The following SLC36A1 variants were observed in gnomAD, a reference collection of about 807,000 sequenced individuals.
The protein encoded by SLC36A1 is proton-coupled amino acid transporter 1.
Under a neutral mutation model 47.5 loss-of-function variants are expected in SLC36A1, and 30 were observed. The ratio of observed to expected loss-of-function variants is 0.63; its 90% CI spans 0.47 to 0.86. SLC36A1 has a LOEUF of 0.86. SLC36A1 is among the 40% of genes least tolerant of loss of function. The pLI is 0.00. For missense variants in SLC36A1, 517 were observed against 606.0 expected (o/e 0.85, Z 1.54); for synonymous variants, 255 against 249.7 (o/e 1.02, Z -0.20).
At chr5:151,367,374 T>TTTTTTTTTTTTTTTTTTTTTTTTC in the SLC36A1 span, among the ~76,000 whole-genome samples, 1 of 145,466 alleles carries the variant, frequency 6.9e-6, no homozygotes. Flanking sequence ...TTTTTTTTTT[T>TTTTTTTTTTTTTTTTTTTTTTTTC]CCCCAGGGTA....
the SLC36A1 span, among the ~76,000 whole-genome samples, chr5:151,375,130 G>A: frequency 1.1e-4 from 17 of 152,002 alleles, no homozygotes; most frequent in East Asian, 3.9e-4. Context: ...TGAATTCTTC[G>A]CCTAGTCTAA....
At chr5:151,544,142 C>A in the SLC36A1 span, 2 of 1,614,214 alleles carry the variant, frequency 1.2e-6, no homozygotes, top group Non-Finnish European at 1.7e-6. Flanking sequence ...GACATCTCCC[C>A]TGTGCTCCCA....
chr5:151,431,803 T>G, the SLC36A1 span, among the ~76,000 whole-genome samples: 1 of 152,202 alleles, frequency 6.6e-6, no homozygotes, highest in Non-Finnish European at 1.5e-5. Flanking sequence ...GTCTCGAGTG[T>G]GTCTTTATGA....
the SLC36A1 span, among the ~76,000 whole-genome samples, chr5:151,535,162 G>A: frequency 6.6e-6 from 1 of 151,854 alleles, no homozygotes; most frequent in East Asian, 1.9e-4. Flanking sequence ...AACACCATGT[G>A]TGGTGTTATA....
chr5:151,487,917 A>G (rs1759777630), intron 10 of SLC36A1, 66 bp from the exon 11 acceptor site: 2 of 1,574,248 alleles, frequency 1.3e-6, no homozygotes, highest in African/African-American at 1.3e-5. Context: ...AATTCGCTCA[A>G]CAGTAGGGAG....
chr5:151,551,999 G>GTGTC, the SLC36A1 span, among the ~76,000 whole-genome samples: 1 of 151,816 alleles, frequency 6.6e-6, no homozygotes, highest in African/African-American at 2.4e-5. Flanking sequence ...GTGTGTGTGT[G>GTGTC]TGTGTGTGTG....
rs953482340 is a variant in SLC36A1 at position 151,488,797 on chromosome 5, C to T, written c.*543C>T. The T allele has an allele frequency of 1.9e-5, 3 of 160,352 alleles. No homozygotes were observed. The highest frequency in any genetic ancestry group is 1.2e-4 in the Admixed American group (2 of 17,342). The allele number at this position is 160,352 out of a possible 1,614,324, so 9.9% of individuals were successfully genotyped here. A position where few individuals can be genotyped will look rare whatever the true frequency, so the allele number is the denominator to read the frequency against. ...TACCTGGTCATTTGAAACAGGCCCC[C>T]AAGCTGGAGTTTTTAATCTGGACTC... On this transcript the variant is annotated 3_prime_UTR_variant, in exon 11 of 11. Transcript: ENST00000243389.
chr5:151,549,305 G>T, the SLC36A1 span: 1 of 1,612,874 alleles, frequency 6.2e-7, no homozygotes, highest in East Asian at 2.2e-5. Flanking sequence ...CTTTCAGGAG[G>T]GAGTAGTGGA....
At chr5:151,507,544 C>G in the SLC36A1 span, 7 of 1,614,030 alleles carry the variant, frequency 4.3e-6, no homozygotes, top group Admixed American at 1.7e-5. Flanking sequence ...TGCCCCCAGT[C>G]CCCCCTTTGG....
chr5:151,518,412 AT>A, the SLC36A1 span, among the ~76,000 whole-genome samples: 1 of 151,000 alleles, frequency 6.6e-6, no homozygotes, highest in Non-Finnish European at 1.5e-5. Context: ...CAGAAATGTA[AT>A]GAATCAAGTG....
the SLC36A1 span, among the ~76,000 whole-genome samples, chr5:151,360,014 G>A: frequency 6.6e-6 from 1 of 152,116 alleles, no homozygotes; most frequent in Non-Finnish European, 1.5e-5. Context: ...GTGGACGTAA[G>A]TTTTATGCTT....
the SLC36A1 span, among the ~76,000 whole-genome samples, chr5:151,397,104 C>T: frequency 6.6e-6 from 1 of 152,216 alleles, no homozygotes; most frequent in Non-Finnish European, 1.5e-5. Context: ...TAGCAATTAC[C>T]ACCCAATCTC....
intron 1 of SLC36A1, among the ~76,000 whole-genome samples, chr5:151,458,311 C>T (rs60445040): frequency 0.03 from 1,309 of 43,828 alleles, 22 homozygotes; most frequent in African/African-American, 0.17. Context: ...CGTGTATATA[C>T]GTATATATAT....
At chr5:151,484,940 G>A (rs1019076266) in intron 10 of SLC36A1, among the ~76,000 whole-genome samples, 1 of 151,928 alleles carries the variant, frequency 6.6e-6, no homozygotes, top group African/African-American at 2.4e-5. Flanking sequence ...GTAACACCTG[G>A]CACCATCACT....
chr5:151,506,192 A>T, the SLC36A1 span: 1 of 1,349,904 alleles, frequency 7.4e-7, no homozygotes, highest in African/African-American at 1.5e-5. Flanking sequence ...CGAGTGGTGG[A>T]GATGGGAGTG....
chr5:151,502,994 A>G, the SLC36A1 span, among the ~76,000 whole-genome samples: 9 of 148,404 alleles, frequency 6.1e-5, no homozygotes, highest in South Asian at 1.9e-3. Context: ...TGAAAAAGCT[A>G]CGTATCATAT....
At chr5:151,435,005 A>G (rs1235839945), upstream of SLC36A1, among the ~76,000 whole-genome samples, 1 of 152,226 alleles carries the variant, frequency 6.6e-6, no homozygotes. Flanking sequence ...TAGAATAAAT[A>G]TTTGAAAAGA....
chr5:151,457,939 C>G (rs10074670), intron 1 of SLC36A1, among the ~76,000 whole-genome samples: 62,005 of 150,712 alleles, frequency 0.41, 13,214 homozygotes, highest in East Asian at 0.66. Flanking sequence ...ACCTCCGCCT[C>G]CCGGTTTCAA....
At chr5:151,375,873 A>C in the SLC36A1 span, among the ~76,000 whole-genome samples, 1 of 152,226 alleles carries the variant, frequency 6.6e-6, no homozygotes, top group South Asian at 2.1e-4. Context: ...TTCATTAATC[A>C]AACCTAAGAG....
Sources: gnomAD v4.1 joint callset for allele counts (sites outside exome capture counted in the v4.1 genomes callset) on GRCh38, gnomAD v4.1.1 for gene constraint, MANE v1.5 for transcripts, NCBI Gene and HGNC (gene_info 2026-07-23, HGNC 2026-07-21) for gene names.